PDE5A: variants seen among roughly 807,000 people sequenced by gnomAD.
PDE5A encodes phosphodiesterase 5A, also known as cGMP-specific 3',5'-cyclic phosphodiesterase.
PDE5A carries 67 observed loss-of-function variants against 110.2 expected under a neutral mutation model. The ratio of observed to expected loss-of-function variants is 0.61; its 90% CI spans 0.50 to 0.75. The LOEUF (loss-of-function observed/expected upper bound fraction) is 0.75, where lower values mean the gene tolerates loss of function less well. Ranked by LOEUF, PDE5A falls within the 30% of genes least tolerant of loss-of-function variation. The probability of loss-of-function intolerance (pLI) is 0.00; values close to 1 mark genes in which losing one functional copy is unlikely to be tolerated. For missense variants in PDE5A, 862 were observed against 1,045.1 expected (o/e 0.82, Z 2.42); for synonymous variants, 328 against 351.2 (o/e 0.93, Z 0.74).
chr4:119,615,770 A>G (rs1578830881), intron 1 of PDE5A, among the ~76,000 whole-genome samples: 1 of 152,198 alleles, frequency 6.6e-6, no homozygotes, highest in Non-Finnish European at 1.5e-5. Flanking sequence ...GTATAAGTGT[A>G]TCTTTGCTAA....
At chr4:119,583,463 G>A (rs759830911) in intron 3 of PDE5A, among the ~76,000 whole-genome samples, 3 of 151,910 alleles carry the variant, frequency 2.0e-5, no homozygotes, top group Admixed American at 6.6e-5. Flanking sequence ...GACTTTCTTA[G>A]CACTCATGTA....
At position 119,627,237 on chromosome 4, in the gene PDE5A, G is replaced by C; in HGVS notation, c.152+1283C>G. ...TCCTGGACTCCAGGAGGCTCCGTAGGGGCAACAACGCGCGCAGGTGAGGTG... is the reference window on the plus strand; with the variant it reads ...TCCTGGACTCCAGGAGGCTCCGTAGCGGCAACAACGCGCGCAGGTGAGGTG... On this transcript the variant is annotated intron_variant, in intron 1 of 20. Transcript: ENST00000354960. This position sits in a 1 kb window ranked among gnomAD's most constrained non-coding sequence, Gnocchi z 4.6. 6.2e-7 allele frequency: 1 copy of C among 1,607,308 alleles called. No homozygotes were observed. Among genetic ancestry groups the C allele is most frequent in the South Asian group, 1.1e-5 (1 of 90,178 alleles).
In PDE5A at chr4:119,607,175, CT is replaced by C. The variant is rs1416054374; in HGVS notation, c.274del (p.Ser92ValfsTer31). On this transcript the variant is annotated frameshift_variant, in exon 2 of 21. Coordinates refer to ENST00000354960, the MANE Select transcript of PDE5A (RefSeq NM_001083.4). LOFTEE classifies it high-confidence loss of function. ...PLQQSPRADNSAPGTPTRKIS... is the reference protein window; with the variant it reads ...PLQQSPRADNXAPGTPTRKIS... ...TTTCCTGGTTGGTGTTCCAGGGGCA[CT>C]GTTATCTGCACGAGGACTCTGCTGC... 7 of 1,614,132 alleles carry C rather than the reference CT, an allele frequency of 4.3e-6. No homozygotes were observed. The highest frequency in any genetic ancestry group is 5.9e-6 in the Non-Finnish European group (7 of 1,180,006).
intron 15 of PDE5A, among the ~76,000 whole-genome samples, chr4:119,510,506 C>T (rs11736416): frequency 0.26 from 39,938 of 151,858 alleles, 5,386 homozygotes; most frequent in East Asian, 0.38. Flanking sequence ...ACCAGCACAG[C>T]CATTGTTAAT....
intron 11 of PDE5A, among the ~76,000 whole-genome samples, chr4:119,526,690 T>C (rs1726331649): frequency 1.3e-5 from 2 of 152,126 alleles, no homozygotes; most frequent in African/African-American, 2.4e-5. Context: ...GTCAAAATAA[T>C]AAAATCTTAT....
Position 119,563,464 on chromosome 4 carries a change from T to C in PDE5A, c.994-494A>G, listed in dbSNP as rs1192835260. On this transcript the variant is annotated intron_variant, in intron 5 of 20. Transcript: ENST00000354960. ...AAAGTTTTAAGAATTTCCTTTGTGT[T>C]TTTTTCTGGTAGATTTCTCTTTCTT... 9.8e-5 allele frequency among the ~76,000 whole-genome samples: 15 copies of C among 152,292 alleles called. No individual in the cohort carries two copies. In the East Asian group the frequency reaches 2.9e-3, roughly 29 times the overall value.
intron 17 of PDE5A, 105 bp from the exon 18 acceptor site, chr4:119,504,704 G>A: frequency 2.8e-6 from 2 of 727,180 alleles, no homozygotes; most frequent in East Asian, 2.8e-5. Context: ...TCTAAACAAT[G>A]GAAATGGCAG....
chr4:119,622,527 G>T (rs1433059682), intron 1 of PDE5A, among the ~76,000 whole-genome samples: 1 of 152,086 alleles, frequency 6.6e-6, no homozygotes, highest in Non-Finnish European at 1.5e-5. Context: ...TGGTACATAA[G>T]ACATTTAAAA....
Position 119,584,570 on chromosome 4 carries a change from A to G in PDE5A, c.831+11953T>C, listed in dbSNP as rs186926530. ...AAATATGGAAGTTAATTATCAAAAT[A>G]TATCAAGTGTCAAATTATGTGGCTC... is the stretch of plus-strand genomic sequence containing the variant. On this transcript the variant is annotated intron_variant, in intron 3 of 20. Coordinates refer to ENST00000354960, the MANE Select transcript of PDE5A (RefSeq NM_001083.4). 1.9e-3 allele frequency among the ~76,000 whole-genome samples: 291 copies of G among 152,346 alleles called. 3 individuals are homozygous for G. The highest frequency in any genetic ancestry group is 1.5e-3 in the Non-Finnish European group (103 of 68,034).
chr4:119,523,153 C>T (rs1027436907), intron 12 of PDE5A, among the ~76,000 whole-genome samples: 4 of 152,006 alleles, frequency 2.6e-5, no homozygotes, highest in Admixed American at 2.6e-4. Flanking sequence ...TTAAGTCAGG[C>T]TCTGAAGAAG....
In PDE5A at chr4:119,623,037, C is replaced by CAA. The variant is rs376561963; in HGVS notation, c.152+5481_152+5482dup. On this transcript the variant is annotated intron_variant, in intron 1 of 20. Transcript: ENST00000354960. Reference sequence around the variant, plus strand: ...GAAAATGAATTAAGCACTTACATTGCAAAAAAAAAAAAAAGTAATTTAAAA... The same window carrying CAA: ...GAAAATGAATTAAGCACTTACATTGCAAAAAAAAAAAAAAAAGTAATTTAAAA... Among the ~76,000 whole-genome samples, 154 of 129,872 alleles carry CAA rather than the reference C, an allele frequency of 1.2e-3. 1 individual carries two copies. The highest frequency in any genetic ancestry group is 7.9e-3 in the Middle Eastern group (2 of 254). 85.2% of individuals were successfully genotyped at this position (129,872 alleles called of 152,430 possible).
At position 119,504,608 on chromosome 4, in the gene PDE5A, G is replaced by T; in HGVS notation, c.2268-9C>A. 6.2e-7 allele frequency: 1 copy of T among 1,608,074 alleles called. No homozygotes were observed. The highest frequency in any genetic ancestry group is 1.1e-5 in the South Asian group (1 of 90,324). ...CTGTCATCAGCATTGCCCTGTTATG[G>T]AAAAAAGAAACCCAAAACTCCTATT... is the stretch of plus-strand genomic sequence containing the variant. On this transcript the variant is annotated splice_polypyrimidine_tract_variant and intron_variant, in intron 17 of 20. Coordinates refer to ENST00000354960, the MANE Select transcript of PDE5A (RefSeq NM_001083.4).
At chr4:119,574,275 C>G (rs530843762) in intron 3 of PDE5A, among the ~76,000 whole-genome samples, 3 of 149,510 alleles carry the variant, frequency 2.0e-5, no homozygotes, top group Non-Finnish European at 1.5e-5. Flanking sequence ...CTCTGGCTCC[C>G]GGGTTCAAGC....
chr4:119,622,670 G>A (rs1465636924), intron 1 of PDE5A, among the ~76,000 whole-genome samples: 1 of 151,822 alleles, frequency 6.6e-6, no homozygotes, highest in African/African-American at 2.4e-5. Context: ...TCAGGAGATC[G>A]AGACCATCCT....
In PDE5A at chr4:119,561,159, TCACATTAAAAAGCAGAACAG is replaced by T. The variant is rs1420171410; in HGVS notation, c.1132-816_1132-797del. Among the ~76,000 whole-genome samples, 24 of 151,862 alleles carry T rather than the reference TCACATTAAAAAGCAGAACAG, an allele frequency of 1.6e-4. 1 individual carries two copies. Among genetic ancestry groups the T allele is most frequent in the African/African-American group, 5.8e-4 (24 of 41,336 alleles). ...TAAGAAAGAAAAAAAATTTTTTAAATCACATTAAAAAGCAGAACAGCACATTATGCCCATGCTCTATTTAT... is the reference window on the plus strand; with the variant it reads ...TAAGAAAGAAAAAAAATTTTTTAAATCACATTATGCCCATGCTCTATTTAT... On this transcript the variant is annotated intron_variant, in intron 6 of 20. Coordinates refer to ENST00000354960, the MANE Select transcript of PDE5A (RefSeq NM_001083.4).
intron 11 of PDE5A, among the ~76,000 whole-genome samples, chr4:119,534,658 T>C (rs1726670653): frequency 6.6e-6 from 1 of 152,154 alleles, no homozygotes; most frequent in East Asian, 1.9e-4. Context: ...TACTTCTTTG[T>C]TAAATTATCT....
At chr4:119,530,559 A>G (rs1233465643) in intron 11 of PDE5A, among the ~76,000 whole-genome samples, 1 of 152,174 alleles carries the variant, frequency 6.6e-6, no homozygotes, top group Non-Finnish European at 1.5e-5. Flanking sequence ...GTAATTTCAC[A>G]ATGTTTTATA....
rs201746717 is a variant in PDE5A, at chr4:119,525,716, A to G, written c.1633-21T>C. On this transcript the variant is annotated intron_variant, in intron 11 of 20. Coordinates refer to ENST00000354960, the MANE Select transcript of PDE5A (RefSeq NM_001083.4). The surrounding 1 kb of genome is among the most constrained non-coding windows in gnomAD (Gnocchi z 4.3). Reference sequence around the variant, plus strand: ...GCAGCCTTGGGTAAGGAAAGAAGAAAAAAAAAAATGCTGTTAATTAAAGCA... The same window carrying G: ...GCAGCCTTGGGTAAGGAAAGAAGAAGAAAAAAAATGCTGTTAATTAAAGCA... The G allele has an allele frequency of 1.9e-6, 3 of 1,587,560 alleles. No homozygotes were observed. In the Admixed American group the frequency reaches 5.5e-5, roughly 29 times the overall value.
intron 2 of PDE5A, among the ~76,000 whole-genome samples, chr4:119,600,985 C>T (rs1368993617): frequency 6.6e-6 from 1 of 152,122 alleles, no homozygotes; most frequent in Non-Finnish European, 1.5e-5. Flanking sequence ...AAATATGCCT[C>T]CTTATAAGAT....
Sources: allele counts gnomAD v4.1 joint callset (sites outside exome capture counted in the v4.1 genomes callset), GRCh38; gene constraint gnomAD v4.1.1; non-coding constraint Gnocchi (gnomAD v3.1); transcripts MANE v1.5; gene names NCBI Gene and HGNC (gene_info 2026-07-23, HGNC 2026-07-21).